RCAN2: variants seen among roughly 807,000 people sequenced by gnomAD.
RCAN2 encodes the protein regulator of calcineurin 2, also known as calcipressin-2.
RCAN2 carries 9 observed loss-of-function variants against 23.6 expected under a neutral mutation model. The ratio of observed to expected loss-of-function variants is 0.38; its 90% CI spans 0.23 to 0.67. The LOEUF (loss-of-function observed/expected upper bound fraction) is 0.67, where lower values mean the gene tolerates loss of function less well. RCAN2 is among the 30% of genes least tolerant of loss of function. The pLI, the probability that RCAN2 is intolerant of heterozygous loss-of-function variation, is 0.51. For synonymous variants in RCAN2, 109 were observed against 115.7 expected (o/e 0.94, Z 0.37); for missense variants, 273 against 302.3 (o/e 0.90, Z 0.72).
intron 2 of RCAN2, 53 bp from the exon 3 acceptor site, chr6:46,248,949 A>G (rs1766614990): frequency 7.6e-7 from 1 of 1,311,606 alleles, no homozygotes; most frequent in Non-Finnish European, 1.1e-6. Flanking sequence ...TGGATCTCGT[A>G]TGATGTCATA....
intron 2 of RCAN2, among the ~76,000 whole-genome samples, chr6:46,375,230 C>A (rs907693177): frequency 6.6e-6 from 1 of 152,200 alleles, no homozygotes; most frequent in Admixed American, 6.5e-5. Context: ...CAGGTGTGAA[C>A]CACCATGCCT....
At chr6:46,276,247 G>C (rs370888156) in intron 2 of RCAN2, among the ~76,000 whole-genome samples, 4 of 113,800 alleles carry the variant, frequency 3.5e-5, no homozygotes, top group Admixed American at 8.3e-5. Context: ...AACTATGCAG[G>C]GTTGGTGTGT....
intron 2 of RCAN2, among the ~76,000 whole-genome samples, chr6:46,272,179 T>G (rs1767540587): frequency 1.3e-5 from 2 of 152,198 alleles, no homozygotes; most frequent in South Asian, 4.1e-4. Context: ...TTCTGTCCAT[T>G]GTTATACAAA....
intron 2 of RCAN2, among the ~76,000 whole-genome samples, chr6:46,400,548 T>C (rs567459520): frequency 7.2e-4 from 109 of 152,326 alleles, no homozygotes; most frequent in African/African-American, 2.5e-3. Flanking sequence ...ATACCAGACA[T>C]GCCAAACTCG....
At chr6:46,344,288 A>T (rs1764418392) in intron 2 of RCAN2, among the ~76,000 whole-genome samples, 2 of 152,192 alleles carry the variant, frequency 1.3e-5, no homozygotes, top group Admixed American at 1.3e-4. Flanking sequence ...ACAGGCTCAG[A>T]GTATTTACCT....
At chr6:46,377,302 C>G (rs1389815456) in intron 2 of RCAN2, among the ~76,000 whole-genome samples, 2 of 152,174 alleles carry the variant, frequency 1.3e-5, no homozygotes, top group Non-Finnish European at 2.9e-5. Flanking sequence ...CCTTAGAGAC[C>G]TCCTCCAAAG....
intron 2 of RCAN2, among the ~76,000 whole-genome samples, chr6:46,307,478 A>G (rs1015159013): frequency 4.6e-5 from 7 of 152,080 alleles, no homozygotes; most frequent in African/African-American, 1.4e-4. Context: ...GTGGTGGCTG[A>G]AAAAAATGAA....
At chr6:46,400,426 C>G (rs1232306572) in intron 2 of RCAN2, among the ~76,000 whole-genome samples, 1 of 152,176 alleles carries the variant, frequency 6.6e-6, no homozygotes, top group Non-Finnish European at 1.5e-5. Flanking sequence ...CATTAGTTCC[C>G]TGGCTGCTGA....
At position 46,363,589 on chromosome 6, in the gene RCAN2, C is replaced by T. The variant is rs548969075; in HGVS notation, c.225+93163G>A. Among the ~76,000 whole-genome samples the T allele has an allele frequency of 5.3e-5, 8 of 151,790 alleles. No homozygotes were observed. In the South Asian group the frequency reaches 1.5e-3, roughly 28 times the overall value. On this transcript the variant is annotated intron_variant, in intron 2 of 4. Transcript: ENST00000371374. ...ATGACTTATAATTTATTATTTATAA[C>T]CTGTTCTTAATTATGAAAGCATCTA... is the stretch of plus-strand genomic sequence containing the variant.
At chr6:46,404,376 T>C (rs774289149) in intron 2 of RCAN2, among the ~76,000 whole-genome samples, 2 of 152,356 alleles carry the variant, frequency 1.3e-5, no homozygotes, top group Middle Eastern at 6.8e-3. Flanking sequence ...GTAAAGTAAG[T>C]ACCTAAATAT....
chr6:46,474,607 T>G (rs548480673), intron 1 of RCAN2, among the ~76,000 whole-genome samples: 2 of 152,132 alleles, frequency 1.3e-5, no homozygotes, highest in South Asian at 4.1e-4. Context: ...CAGGTATGGA[T>G]AGAGAAGTGG....
At chr6:46,443,750 C>G (rs1404172727) in intron 2 of RCAN2, among the ~76,000 whole-genome samples, 1 of 152,174 alleles carries the variant, frequency 6.6e-6, no homozygotes, top group Non-Finnish European at 1.5e-5. Flanking sequence ...TTGGCTTGAG[C>G]ATTGCTGCTG....
At chr6:46,461,180 T>C (rs747484392) in intron 1 of RCAN2, among the ~76,000 whole-genome samples, 13 of 152,216 alleles carry the variant, frequency 8.5e-5, no homozygotes, top group Non-Finnish European at 1.8e-4. Context: ...TTTTTTTACA[T>C]GTAAAATTTT....
At chr6:46,391,492 C>A (rs1342491323) in intron 2 of RCAN2, among the ~76,000 whole-genome samples, 1 of 152,116 alleles carries the variant, frequency 6.6e-6, no homozygotes, top group African/African-American at 2.4e-5. Context: ...ATAGATAGGG[C>A]AAGAGCCTGT....
intron 2 of RCAN2, among the ~76,000 whole-genome samples, chr6:46,402,748 C>T (rs1175328234): frequency 6.6e-6 from 1 of 152,208 alleles, no homozygotes; most frequent in Non-Finnish European, 1.5e-5. Flanking sequence ...TATTTCTACA[C>T]AGCTGGCCAT....
intron 2 of RCAN2, among the ~76,000 whole-genome samples, chr6:46,281,233 A>G (rs1378069985): frequency 1.3e-5 from 2 of 152,312 alleles, no homozygotes; most frequent in African/African-American, 2.4e-5. Flanking sequence ...AGCCCTGGAC[A>G]TATGTCCAGT....
intron 2 of RCAN2, among the ~76,000 whole-genome samples, chr6:46,377,836 C>A (rs923257307): frequency 1.3e-5 from 2 of 152,108 alleles, no homozygotes; most frequent in African/African-American, 4.8e-5. Context: ...AGTTCAAACC[C>A]ACATGAAACA....
intron 4 of RCAN2, among the ~76,000 whole-genome samples, chr6:46,235,837 C>G (rs111688646): frequency 6.6e-6 from 1 of 152,204 alleles, no homozygotes; most frequent in Non-Finnish European, 1.5e-5. Flanking sequence ...GGTTTCCCCA[C>G]GACAGGAACT....
At chr6:46,380,192 C>A (rs926369014) in intron 2 of RCAN2, among the ~76,000 whole-genome samples, 1 of 152,048 alleles carries the variant, frequency 6.6e-6, no homozygotes, top group African/African-American at 2.4e-5. Flanking sequence ...TAAAACACAC[C>A]CCCCTCAGAA....
Sources: allele counts gnomAD v4.1 joint callset (sites outside exome capture counted in the v4.1 genomes callset), GRCh38; gene constraint gnomAD v4.1.1; transcripts MANE v1.5; gene names NCBI Gene and HGNC (gene_info 2026-07-23, HGNC 2026-07-21).